The following BRIP1 variants were observed in gnomAD, a reference collection of about 807,000 sequenced individuals.
BRIP1 encodes the protein BRCA1 interacting DNA helicase 1.
A neutral mutation model predicts 119.7 loss-of-function variants in BRIP1; 88 were observed. That is an observed-to-expected ratio of 0.74 (90% CI 0.62 to 0.88). BRIP1 has a LOEUF of 0.88. Among genes scored for constraint, BRIP1 ranks in the 40% least tolerant of loss-of-function variants. BRIP1 has a pLI of 0.00. For missense variants in BRIP1, 1,259 were observed against 1,455.4 expected, an observed-to-expected ratio of 0.87 and a Z score of 2.20; for synonymous variants, 443 against 496.5, an observed-to-expected ratio of 0.89 and a Z score of 1.43.
Position 61,729,542 on chromosome 17 carries a change from T to C in BRIP1, c.2379+13471A>G, listed in dbSNP as rs752952593. Among the ~76,000 whole-genome samples the C allele has an allele frequency of 6.6e-6, 1 of 151,876 alleles. No homozygotes were observed. The highest frequency in any genetic ancestry group is 1.5e-5 in the Non-Finnish European group (1 of 67,970). ...ATATGGAGGTAAATACCAGATAAAA[T>C]AGCTAAAGAAGTGAAAGTCACTGCC... On this transcript the variant is annotated intron_variant, in intron 16 of 19. Transcript: ENST00000259008. This position sits in a 1 kb window ranked among gnomAD's most constrained non-coding sequence, Gnocchi z 5.6.
At position 61,708,052 on chromosome 17, in the gene BRIP1, G is replaced by A. The variant is rs918183220; in HGVS notation, c.2492+7899C>T. Among the ~76,000 whole-genome samples, 2 of 151,912 alleles carry A rather than the reference G, an allele frequency of 1.3e-5. No homozygotes were observed. On this transcript the variant is annotated intron_variant, in intron 17 of 19. Coordinates refer to ENST00000259008, the MANE Select transcript of BRIP1 (RefSeq NM_032043.3). The surrounding 1 kb of genome is among the most constrained non-coding windows in gnomAD (Gnocchi z 4.4). ...AGTAGAGATGGGGTTTCACCATGTT[G>A]GCCAGGCTGGTCTCAAACTGCTGAC...
Position 61,856,260 on chromosome 17 carries a change from C to T in BRIP1, c.379+798G>A, listed in dbSNP as rs2078894977. Among the ~76,000 whole-genome samples the T allele has an allele frequency of 6.6e-6, 1 of 152,224 alleles. No homozygotes were observed. Reference sequence around the variant, plus strand: ...AGTCACATGCTTTAGAGGAAGCTGACTCCATCCTTGATTTTAGGAAATGGA... The same window carrying T: ...AGTCACATGCTTTAGAGGAAGCTGATTCCATCCTTGATTTTAGGAAATGGA... On this transcript the variant is annotated intron_variant, in intron 4 of 19. Coordinates refer to ENST00000259008, the MANE Select transcript of BRIP1 (RefSeq NM_032043.3). This position sits in a 1 kb window ranked among gnomAD's most constrained non-coding sequence, Gnocchi z 5.1.
rs9907299 is a variant in BRIP1, at chr17:61,809,631, T to G, written c.628-874A>C. 3.3e-5 allele frequency among the ~76,000 whole-genome samples: 5 copies of G among 152,042 alleles called. No individual in the cohort carries two copies. The highest frequency in any genetic ancestry group is 3.3e-4 in the Admixed American group (5 of 15,264). On this transcript the variant is annotated intron_variant, in intron 6 of 19. Coordinates refer to ENST00000259008, the MANE Select transcript of BRIP1 (RefSeq NM_032043.3). The surrounding 1 kb of genome is among the most constrained non-coding windows in gnomAD (Gnocchi z 5.2). ...GAACTCACAGGTTCTTAATAACTAC[T>G]TCCTTCTAAGTCTCAATTATTACAC...
intron 14 of BRIP1, among the ~76,000 whole-genome samples, chr17:61,747,972 A>G (rs1443674747): frequency 6.7e-6 from 1 of 150,370 alleles, no homozygotes; most frequent in East Asian, 2.0e-4. Context: ...TCCTGGCCTC[A>G]AGTGCTCCTC....
Position 61,703,508 on chromosome 17 carries a change from A to C in BRIP1, c.2493-9996T>G, listed in dbSNP as rs977932265. ...TAATGGGGTTGTTTTTTGCTTGTCA[A>C]TTTAAGTTCCTTATGGATTCTGGAT... On this transcript the variant is annotated intron_variant, in intron 17 of 19. Transcript: ENST00000259008. This position sits in a 1 kb window ranked among gnomAD's most constrained non-coding sequence, Gnocchi z 5.0. Among the ~76,000 whole-genome samples, 7 of 152,086 alleles carry C rather than the reference A, an allele frequency of 4.6e-5. No homozygotes were observed. The highest frequency in any genetic ancestry group is 7.4e-5 in the Non-Finnish European group (5 of 67,986).
intron 6 of BRIP1, among the ~76,000 whole-genome samples, chr17:61,829,469 C>G (rs2078456871): frequency 6.6e-6 from 1 of 150,672 alleles, no homozygotes; most frequent in Non-Finnish European, 1.5e-5. Flanking sequence ...ATTATAGGAC[C>G]CTTACAGTAT....
In BRIP1 at chr17:61,726,488, A is replaced by G. The variant is rs116498010; in HGVS notation, c.2380-10425T>C. ...TCATTACCTTAGTCAGTTCACCCCA[A>G]ATCATTTTACCACCTGGACCGATTC... On this transcript the variant is annotated intron_variant, in intron 16 of 19. Coordinates refer to ENST00000259008, the MANE Select transcript of BRIP1 (RefSeq NM_032043.3). This position sits in a 1 kb window ranked among gnomAD's most constrained non-coding sequence, Gnocchi z 6.2. Among the ~76,000 whole-genome samples the G allele has an allele frequency of 5.5e-3, 835 of 152,272 alleles. 4 individuals carry two copies. Among genetic ancestry groups the G allele is most frequent in the African/African-American group, 0.019 (802 of 41,556 alleles).
intron 14 of BRIP1, among the ~76,000 whole-genome samples, chr17:61,765,784 T>C (rs1249384358): frequency 2.0e-5 from 3 of 151,124 alleles, no homozygotes; most frequent in African/African-American, 7.3e-5. Context: ...GTGATACAAA[T>C]ATATTCATGT....
At chr17:61,714,004 T>G in intron 17 of BRIP1, among the ~76,000 whole-genome samples, 1 of 151,618 alleles carries the variant, frequency 6.6e-6, no homozygotes, top group Non-Finnish European at 1.5e-5. Flanking sequence ...AGATAAAAAG[T>G]TTATAAAGTA....
intron 4 of BRIP1, among the ~76,000 whole-genome samples, chr17:61,855,763 G>C (rs1437565125): frequency 6.6e-6 from 1 of 151,946 alleles, no homozygotes; most frequent in African/African-American, 2.4e-5. Flanking sequence ...CATATGCCAG[G>C]CACCCTGCTA....
At chr17:61,702,930 CA>C in intron 17 of BRIP1, among the ~76,000 whole-genome samples, 1 of 149,864 alleles carries the variant, frequency 6.7e-6, no homozygotes, top group Non-Finnish European at 1.5e-5. Flanking sequence ...ACCAGCAGTA[CA>C]TATGTGGTCC....
Position 61,743,786 on chromosome 17 carries a change from C to T in BRIP1, c.2257+646G>A, listed in dbSNP as rs191927196. Among the ~76,000 whole-genome samples the T allele has an allele frequency of 9.4e-4, 143 of 152,216 alleles. 3 individuals carry two copies. Among genetic ancestry groups the T allele is most frequent in the African/African-American group, 3.2e-3 (132 of 41,536 alleles). ...CACTGCAGCCTTGACCTCCTGGGCT[C>T]AGGTAATCCTCCCACCTCGGCCTCC... On this transcript the variant is annotated intron_variant, in intron 15 of 19. Transcript: ENST00000259008. The surrounding 1 kb of genome is among the most constrained non-coding windows in gnomAD (Gnocchi z 4.3).
At position 61,857,118 on chromosome 17, in the gene BRIP1, G is replaced by A. The variant is rs2078907400; in HGVS notation, c.319C>T (p.His107Tyr). Reference protein sequence around the residue: ...NNDMNQGTSRHFNYPSTPPSE... With the variant: ...NNDMNQGTSRYFNYPSTPPSE... ...GGTGGTGTGCTTGGATAGTTGAAAT[G>A]ACGTGAAGTTCCTTGGTTCATGTCA... The change falls in exon 4 of 20, where the codon CAT (histidine) becomes TAT (tyrosine). Residue 107 changes from histidine to tyrosine, a missense_variant. By Grantham distance (83) the His-to-Tyr change is moderately conservative. Around this residue, in one of 3 missense-constraint regions of BRIP1, gnomAD observed 501 missense variants for 544.0 expected, o/e 0.92. Transcript: ENST00000259008. The surrounding 1 kb of genome is among the most constrained non-coding windows in gnomAD (Gnocchi z 5.1). 2 of 1,614,118 alleles carry A rather than the reference G, an allele frequency of 1.2e-6. No individual in the cohort carries two copies. Among genetic ancestry groups the A allele is most frequent in the East Asian group, 4.5e-5 (2 of 44,870 alleles).
chr17:61,698,044 A>T (rs1266026257), intron 17 of BRIP1, among the ~76,000 whole-genome samples: 1 of 151,990 alleles, frequency 6.6e-6, no homozygotes, highest in Non-Finnish European at 1.5e-5. Flanking sequence ...GACCTCAGGT[A>T]ATCTGCCCGT....
rs1165044464 is a variant in BRIP1 at position 61,825,052 on chromosome 17, G to A, written c.628-16295C>T. On this transcript the variant is annotated intron_variant, in intron 6 of 19. Transcript: ENST00000259008. This position sits in a 1 kb window ranked among gnomAD's most constrained non-coding sequence, Gnocchi z 4.1. ...TGTAATCCCAACACTTTGGGAGGCT[G>A]AGGCAGGCGGATCGCAAGGTCAGGA... Among the ~76,000 whole-genome samples the A allele has an allele frequency of 6.6e-6, 1 of 152,152 alleles. No homozygotes were observed. The highest frequency in any genetic ancestry group is 1.5e-5 in the Non-Finnish European group (1 of 68,026).
chr17:61,776,395 C>T lies in BRIP1; in HGVS notation c.2097+6G>A, dbSNP rs1603328382. On this transcript the variant is annotated splice_donor_region_variant and intron_variant, in intron 14 of 19. Transcript: ENST00000259008. The surrounding 1 kb of genome is among the most constrained non-coding windows in gnomAD (Gnocchi z 5.0). ...AAGGCAAAAGAAACAATAAATATTC[C>T]CTTACCTTGTAAGATGGCAAGAAAC... is the stretch of plus-strand genomic sequence containing the variant. 6.2e-7 allele frequency: 1 copy of T among 1,613,794 alleles called. No individual in the cohort carries two copies. Among genetic ancestry groups the T allele is most frequent in the African/African-American group, 1.3e-5 (1 of 74,982 alleles).
At position 61,683,849 on chromosome 17, in the gene BRIP1, G is replaced by A. The variant is rs1567728809; in HGVS notation, c.3197C>T (p.Ser1066Leu). 2.5e-6 allele frequency: 4 copies of A among 1,614,024 alleles called. No homozygotes were observed. The African/African-American group carries it at 4.0e-5, about 16-fold the overall frequency. ...AATAATGGTTTCTGATTGAGGGCAT[G>A]ATCCAAACGATGTGTTTACTGTCAG... ...SNLTVNTSFG[S>L]CPQSETIISS... Residue 1066 changes from serine (S) to leucine (L), a missense_variant, in exon 20 of 20, where the codon TCA (serine) becomes TTA (leucine). Ser to Leu is a moderately radical substitution (Grantham distance 145). This residue lies in a region of BRIP1 where 753 missense variants were observed against 891.8 expected (regional missense o/e 0.84). Transcript: ENST00000259008. The surrounding 1 kb of genome is among the most constrained non-coding windows in gnomAD (Gnocchi z 4.7).
intron 14 of BRIP1, among the ~76,000 whole-genome samples, chr17:61,765,384 TA>T (rs2077342420): frequency 5.0e-4 from 11 of 21,976 alleles, no homozygotes; most frequent in Admixed American, 2.7e-3. Flanking sequence ...ATATATTATA[TA>T]TATATATATA....
chr17:61,755,495 G>A lies in BRIP1; in HGVS notation c.2098-10904C>T, dbSNP rs2077188695. On this transcript the variant is annotated intron_variant, in intron 14 of 19. Transcript: ENST00000259008. This position sits in a 1 kb window ranked among gnomAD's most constrained non-coding sequence, Gnocchi z 4.5. The stretch of plus-strand genomic sequence containing the variant: ...GACTGCTTGAGCCCTGGAGGTTGAG[G>A]CTGCACTGAGCTGTGATCATGCCAC... Among the ~76,000 whole-genome samples, 1 of 152,092 alleles carries A rather than the reference G, an allele frequency of 6.6e-6. No individual in the cohort carries two copies. The highest frequency in any genetic ancestry group is 2.4e-5 in the African/African-American group (1 of 41,402).
Sources: allele counts gnomAD v4.1 joint callset (sites outside exome capture counted in the v4.1 genomes callset), GRCh38; gene constraint gnomAD v4.1.1; regional missense constraint gnomAD v4.1.1; non-coding constraint Gnocchi (gnomAD v3.1); transcripts MANE v1.5; gene names NCBI Gene and HGNC (gene_info 2026-07-23, HGNC 2026-07-21).